Variants in CRYM observed in about 807,000 individuals in gnomAD.
CRYM encodes ketimine reductase mu-crystallin.
CRYM carries 18 observed loss-of-function variants against 32.9 expected under a neutral mutation model. The ratio of observed to expected loss-of-function variants is 0.55; its 90% CI spans 0.38 to 0.81. The LOEUF is 0.81. Among genes scored for constraint, CRYM ranks in the 30% least tolerant of loss-of-function variants. The pLI, the probability that CRYM is intolerant of heterozygous loss-of-function variation, is 0.00. For missense variants in CRYM, 337 were observed against 393.5 expected, an observed-to-expected ratio of 0.86 and a Z score of 1.21; for synonymous variants, 153 against 152.4, an observed-to-expected ratio of 1.00 and a Z score of -0.03.
In CRYM at chr16:21,262,246, G is replaced by C. The variant is rs577256841; in HGVS notation, c.674-88C>G. 1.5e-4 allele frequency: 234 copies of C among 1,557,160 alleles called. No individual in the cohort carries two copies. In the African/African-American group the frequency reaches 3.0e-3, roughly 20 times the overall value. On this transcript the variant is annotated intron_variant, in intron 5 of 7. Coordinates refer to ENST00000572914, the MANE Select transcript of CRYM (RefSeq NM_001376256.1). ...AAGCACAGGAGAGAGGTGAACAAAG[G>C]ACTCGTGAACACACTCAGATTCAAA...
chr16:21,268,245 C>T (rs2152862119), intron 4 of CRYM, among the ~76,000 whole-genome samples: 1 of 152,258 alleles, frequency 6.6e-6, no homozygotes, highest in Non-Finnish European at 1.5e-5. Flanking sequence ...GTGGGAGATT[C>T]ATATGAAGGA....
chr16:21,276,842 T>C (rs1287309324), intron 2 of CRYM, among the ~76,000 whole-genome samples: 1 of 152,202 alleles, frequency 6.6e-6, no homozygotes, highest in Non-Finnish European at 1.5e-5. Context: ...TGACTCGGTT[T>C]CCTCATCTAT....
At chr16:21,290,649 T>G (rs1960622821) in intron 1 of CRYM, among the ~76,000 whole-genome samples, 1 of 152,212 alleles carries the variant, frequency 6.6e-6, no homozygotes, top group Non-Finnish European at 1.5e-5. Context: ...AGTCTTGAAG[T>G]CTTACAGTGA....
intron 4 of CRYM, among the ~76,000 whole-genome samples, chr16:21,268,033 A>G (rs1460421316): frequency 1.3e-5 from 2 of 152,236 alleles, no homozygotes; most frequent in Non-Finnish European, 1.5e-5. Context: ...CTTCATAGCT[A>G]TTATATATTA....
chr16:21,297,276 C>A (rs759581847), intron 1 of CRYM, among the ~76,000 whole-genome samples: 10 of 152,084 alleles, frequency 6.6e-5, no homozygotes, highest in Admixed American at 2.6e-4. Context: ...TGCATGTAAT[C>A]CAAGCTACTC....
chr16:21,297,213 T>G (rs776363145), intron 1 of CRYM, among the ~76,000 whole-genome samples: 1 of 151,192 alleles, frequency 6.6e-6, no homozygotes, highest in Non-Finnish European at 1.5e-5. Flanking sequence ...GTCAACATGG[T>G]GAAACCCCAT....
intron 7 of CRYM, among the ~76,000 whole-genome samples, chr16:21,259,397 C>G (rs563156942): frequency 6.6e-6 from 1 of 152,150 alleles, no homozygotes; most frequent in African/African-American, 2.4e-5. Context: ...CATGAGCCAC[C>G]ACGCCTGGCC....
intron 2 of CRYM, among the ~76,000 whole-genome samples, chr16:21,276,923 A>G (rs74012147): frequency 0.05 from 7,557 of 149,870 alleles, 617 homozygotes; most frequent in African/African-American, 0.17. Context: ...TAAATGTGAA[A>G]TGTTTAGAAA....
chr16:21,264,323 C>T (rs902688519), intron 5 of CRYM, among the ~76,000 whole-genome samples: 1 of 152,218 alleles, frequency 6.6e-6, no homozygotes, highest in African/African-American at 2.4e-5. Flanking sequence ...GACTATTTCC[C>T]CTGCACAACC....
At chr16:21,284,744 C>T (rs998642480) in intron 1 of CRYM, among the ~76,000 whole-genome samples, 11 of 152,208 alleles carry the variant, frequency 7.2e-5, no homozygotes, top group African/African-American at 2.2e-4. Context: ...AATGAACATA[C>T]AGACGCATGT....
chr16:21,299,522 C>G (rs958097065), intron 1 of CRYM, among the ~76,000 whole-genome samples: 2 of 152,162 alleles, frequency 1.3e-5, no homozygotes, highest in Admixed American at 1.3e-4. Context: ...GTTGGCCAGG[C>G]TGGTCCCAAA....
intron 1 of CRYM, among the ~76,000 whole-genome samples, chr16:21,290,464 G>A (rs906266148): frequency 1.3e-5 from 2 of 152,016 alleles, no homozygotes; most frequent in African/African-American, 2.4e-5. Flanking sequence ...AACAACTCTG[G>A]ACACACCATC....
chr16:21,284,317 A>T lies in CRYM; in HGVS notation c.-192-5357T>A, dbSNP rs77166878. Among the ~76,000 whole-genome samples the T allele has an allele frequency of 8.2e-3, 1,241 of 152,188 alleles. 18 individuals are homozygous for T. Among genetic ancestry groups the T allele is most frequent in the African/African-American group, 0.028 (1,182 of 41,514 alleles). On this transcript the variant is annotated intron_variant, in intron 1 of 9. Coordinates refer to the CRYM transcript ENST00000219599. ...TTTCTTTTTCTTTTTCAGAAAATTG[A>T]GGTAAAATTCAAATAACATAAATTT...
intron 3 of CRYM, among the ~76,000 whole-genome samples, chr16:21,271,777 T>C (rs1045651715): frequency 6.6e-6 from 1 of 152,214 alleles, no homozygotes; most frequent in African/African-American, 2.4e-5. Context: ...ACCTTCAACT[T>C]CCTAAACTAA....
rs1224591120 is a variant in CRYM at position 21,261,311 on chromosome 16, C to T, written c.823G>A (p.Val275Met). ...TGGGCTGGTTTCACTCCCTTAATCA[C>T]TTCTCCCAGCTCAGCAAAGATCTCG... ...GAEIFAELGEVIKGVKPAHCE... is the reference protein window; with the variant it reads ...GAEIFAELGEMIKGVKPAHCE... Residue 275 changes from valine to methionine, a missense_variant, in exon 7 of 8, where the codon GTG (valine) becomes ATG (methionine). Val to Met is a conservative substitution (Grantham distance 21). Coordinates refer to ENST00000572914, the MANE Select transcript of CRYM (RefSeq NM_001376256.1). 3 of 1,614,116 alleles carry T rather than the reference C, an allele frequency of 1.9e-6. No individual in the cohort carries two copies. The highest frequency in any genetic ancestry group is 1.3e-5 in the African/African-American group (1 of 75,024).
At chr16:21,295,576 G>T (rs567255636) in intron 1 of CRYM, among the ~76,000 whole-genome samples, 4 of 152,170 alleles carry the variant, frequency 2.6e-5, no homozygotes, top group African/African-American at 9.6e-5. Flanking sequence ...CAAGGAATTC[G>T]TCCATTTCAC....
rs2093387965 is a variant in CRYM, at chr16:21,277,023, G to GT, written c.324+407dup. ...ATTAGATATTAAAACAGGTCACACC[G>GT]TATACCCCTCTGAAGACTCCCAGGG... is the stretch of plus-strand genomic sequence containing the variant. On this transcript the variant is annotated intron_variant, in intron 2 of 7. Transcript: ENST00000572914. This position sits in a 1 kb window ranked among gnomAD's most constrained non-coding sequence, Gnocchi z 4.2. 6.6e-6 allele frequency among the ~76,000 whole-genome samples: 1 copy of GT among 152,116 alleles called. No homozygotes were observed. Among genetic ancestry groups the GT allele is most frequent in the South Asian group, 2.1e-4 (1 of 4,820 alleles).
At chr16:21,272,595 T>C (rs2093377831) in intron 3 of CRYM, among the ~76,000 whole-genome samples, 1 of 152,118 alleles carries the variant, frequency 6.6e-6, no homozygotes, top group African/African-American at 2.4e-5. Context: ...CAAGACATAC[T>C]GCTTTACACT....
chr16:21,269,942 G>A (rs769965306), intron 3 of CRYM, 51 bp from the exon 4 acceptor site: 9 of 1,278,870 alleles, frequency 7.0e-6, no homozygotes, highest in Non-Finnish European at 9.1e-6. Context: ...CTAGCAGACG[G>A]GTAAAAAACT....
Sources: allele counts gnomAD v4.1 joint callset (sites outside exome capture counted in the v4.1 genomes callset), GRCh38; gene constraint gnomAD v4.1.1; non-coding constraint Gnocchi (gnomAD v3.1); transcripts MANE v1.5; gene names NCBI Gene and HGNC (gene_info 2026-07-23, HGNC 2026-07-21).